Variants in NTN1 observed in about 807,000 individuals in gnomAD.
The protein encoded by NTN1 is netrin 1.
In NTN1, 11 loss-of-function variants were observed where a neutral mutation model predicts 54.2. The ratio of observed to expected loss-of-function variants is 0.20; its 90% confidence interval spans 0.13 to 0.34. The LOEUF is 0.34. Among genes scored for constraint, NTN1 ranks in the 10% least tolerant of loss-of-function variants. The pLI is 1.00. For missense variants in NTN1, 740 were observed against 893.1 expected (o/e 0.83, Z 2.18); for synonymous variants, 371 against 382.0 (o/e 0.97, Z 0.33).
chr17:9,126,991 G>T (rs576169440), intron 2 of NTN1, among the ~76,000 whole-genome samples: 39 of 149,570 alleles, frequency 2.6e-4, no homozygotes, highest in African/African-American at 9.0e-4. Flanking sequence ...TAGGGCAGCC[G>T]TGCATGGATC....
chr17:9,183,080 C>T (rs920652840), intron 5 of NTN1, 111 bp downstream of exon 5: 19 of 1,116,600 alleles, frequency 1.7e-5, no homozygotes, highest in East Asian at 9.4e-5. Flanking sequence ...AACCACTGTC[C>T]GGGCTCTGCT....
chr17:9,162,398 G>A (rs985498402), intron 2 of NTN1, among the ~76,000 whole-genome samples: 19 of 152,312 alleles, frequency 1.2e-4, no homozygotes, highest in Admixed American at 1.0e-3. Context: ...GCAGATGGCC[G>A]CCCTCTGGCA....
rs562980809 is a variant in NTN1 at position 9,116,172 on chromosome 17, C to T, written c.1019-46641C>T. Among the ~76,000 whole-genome samples, 24 of 152,346 alleles carry T rather than the reference C, an allele frequency of 1.6e-4. No homozygotes were observed. The East Asian group carries it at 4.6e-3, about 29-fold the overall frequency. On this transcript the variant is annotated intron_variant, in intron 2 of 6. Transcript: ENST00000173229. ...TGTGGGCCAGCTAGACCCTTGTCCA[C>T]AGAGGCGAGTGGCTCTGCAGAACAT...
rs1387805887 is a variant in NTN1 at position 9,153,558 on chromosome 17, A to G, written c.1019-9255A>G. ...CATCATCACAGGTTGGGGCTTTGAG[A>G]GGGGTTTGTTTGGTAGCTGCTTGAA... On this transcript the variant is annotated intron_variant, in intron 2 of 6. Coordinates refer to ENST00000173229, the MANE Select transcript of NTN1 (RefSeq NM_004822.3). Among the ~76,000 whole-genome samples, 5 of 152,224 alleles carry G rather than the reference A, an allele frequency of 3.3e-5. No individual in the cohort carries two copies. The East Asian group carries it at 5.8e-4, about 18-fold the overall frequency.
At chr17:9,179,767 T>A in intron 3 of NTN1, 40 bp from the exon 4 acceptor site, 1 of 1,597,784 alleles carries the variant, frequency 6.3e-7, no homozygotes, top group Non-Finnish European at 8.5e-7. Flanking sequence ...CACTGGCCGC[T>A]TCCCCCTTGT....
Position 9,234,295 on chromosome 17 carries a change from C to T in NTN1, c.1487-5345C>T, listed in dbSNP as rs141915728. Among the ~76,000 whole-genome samples the T allele has an allele frequency of 1.9e-3, 297 of 152,312 alleles. 4 individuals carry two copies. The highest frequency in any genetic ancestry group is 6.4e-3 in the African/African-American group (265 of 41,578). ...TTGCTGAGAGGGAGGGCTGCTGCTG[C>T]CCCACCCCACCTGCATGCAGCCTTG... On this transcript the variant is annotated intron_variant, in intron 6 of 6. Coordinates refer to ENST00000173229, the MANE Select transcript of NTN1 (RefSeq NM_004822.3).
chr17:9,236,854 T>C (rs553225776), intron 6 of NTN1, among the ~76,000 whole-genome samples: 3 of 152,312 alleles, frequency 2.0e-5, no homozygotes, highest in East Asian at 3.9e-4. Context: ...CCATGCCTGG[T>C]TTCCAGGGCA....
intron 2 of NTN1, among the ~76,000 whole-genome samples, chr17:9,038,425 G>A (rs1041835031): frequency 2.0e-5 from 3 of 152,084 alleles, no homozygotes; most frequent in Non-Finnish European, 4.4e-5. Flanking sequence ...TTGTTGGAAT[G>A]TTAAGGTACA....
chr17:9,109,017 C>G (rs1402337917), intron 2 of NTN1, among the ~76,000 whole-genome samples: 1 of 152,054 alleles, frequency 6.6e-6, no homozygotes, highest in Non-Finnish European at 1.5e-5. Flanking sequence ...GCTGGGACTA[C>G]AGCTGTGCAC....
At chr17:9,074,387 G>A (rs768064868) in intron 2 of NTN1, among the ~76,000 whole-genome samples, 3 of 152,322 alleles carry the variant, frequency 2.0e-5, no homozygotes, top group South Asian at 2.1e-4. Flanking sequence ...CAGCCTTCTC[G>A]AAAATGTGTG....
intron 5 of NTN1, among the ~76,000 whole-genome samples, chr17:9,190,717 T>C (rs1390018551): frequency 6.6e-6 from 1 of 152,148 alleles, no homozygotes; most frequent in Admixed American, 6.5e-5. Context: ...CTGGACATGG[T>C]AGTGAGCGCC....
intron 3 of NTN1, chr17:9,173,912 G>C (rs2092393728): frequency 6.6e-6 from 1 of 152,422 alleles, no homozygotes; most frequent in Non-Finnish European, 1.5e-5. Flanking sequence ...TGGGAGGGAT[G>C]CCTTCAGCAC....
chr17:9,079,053 T>C (rs1017624499), intron 2 of NTN1, among the ~76,000 whole-genome samples: 1 of 152,142 alleles, frequency 6.6e-6, no homozygotes, highest in African/African-American at 2.4e-5. Flanking sequence ...ACATCCAGCC[T>C]TGGGTTCTGG....
In NTN1 at chr17:9,106,924, G is replaced by A. The variant is rs561529613; in HGVS notation, c.1019-55889G>A. ...GCACTTACTGGGATCCATACCCCGT[G>A]CTAAACACTTAGGTTATTTCCTTTG... is the stretch of plus-strand genomic sequence containing the variant. On this transcript the variant is annotated intron_variant, in intron 2 of 6. Transcript: ENST00000173229. 2.0e-5 allele frequency among the ~76,000 whole-genome samples: 3 copies of A among 152,230 alleles called. No homozygotes were observed. In the East Asian group the frequency reaches 5.8e-4, roughly 29 times the overall value.
At chr17:9,234,678 A>G (rs1220976509) in intron 6 of NTN1, among the ~76,000 whole-genome samples, 1 of 152,208 alleles carries the variant, frequency 6.6e-6, no homozygotes, top group East Asian at 1.9e-4. Context: ...GCTCACTTGC[A>G]GCAGTCAGCT....
intron 6 of NTN1, among the ~76,000 whole-genome samples, chr17:9,226,864 G>T (rs554652514): frequency 2.2e-4 from 33 of 152,074 alleles, no homozygotes; most frequent in Admixed American, 9.8e-4. Context: ...GGCCCTGCTG[G>T]AGGCACCTGC....
At position 9,162,903 on chromosome 17, in the gene NTN1, A is replaced by G. The variant is rs776977895; in HGVS notation, c.1109A>G (p.Asn370Ser). 6.2e-6 allele frequency: 10 copies of G among 1,613,658 alleles called. No individual in the cohort carries two copies. In the Admixed American group the frequency reaches 1.2e-4, roughly 19 times the overall value. ...SGRKSGGVCL[N>S]CRHNTAGRHC... The stretch of plus-strand genomic sequence containing the variant: ...CGCAAGAGCGGAGGTGTCTGCCTCA[A>G]CTGTCGCCACAACACCGCCGGCCGC... Residue 370 changes from asparagine to serine, a missense_variant, in exon 3 of 7, where the codon AAC becomes AGC. By Grantham distance (46) the Asn-to-Ser change is conservative. Coordinates refer to ENST00000173229, the MANE Select transcript of NTN1 (RefSeq NM_004822.3).
At chr17:9,158,175 G>C (rs530234251) in intron 2 of NTN1, among the ~76,000 whole-genome samples, 160 of 152,320 alleles carry the variant, frequency 1.1e-3, no homozygotes, top group Non-Finnish European at 1.9e-3. Flanking sequence ...AGGGAAGGGA[G>C]CCCTGCCTTT....
At chr17:9,150,954 T>G (rs1415377918) in intron 2 of NTN1, among the ~76,000 whole-genome samples, 1 of 152,194 alleles carries the variant, frequency 6.6e-6, no homozygotes, top group Non-Finnish European at 1.5e-5. Flanking sequence ...CCGGTATCCT[T>G]AATCCTGCCC....
Sources: allele counts gnomAD v4.1 joint callset (sites outside exome capture counted in the v4.1 genomes callset), GRCh38; gene constraint gnomAD v4.1.1; transcripts MANE v1.5; gene names NCBI Gene and HGNC (gene_info 2026-07-23, HGNC 2026-07-21).